The following DAB1 variants were observed in gnomAD, a reference collection of about 807,000 sequenced individuals.
DAB1 encodes the protein DAB adaptor protein 1.
A neutral mutation model predicts 64.6 loss-of-function variants in DAB1; 15 were observed. The observed-to-expected ratio is 0.23, with a 90% CI of 0.16 to 0.36. DAB1 has a LOEUF of 0.36. Among genes scored for constraint, DAB1 ranks in the 10% least tolerant of loss-of-function variants. DAB1 has a pLI of 1.00. For synonymous variants in DAB1, 235 were observed against 251.9 expected (o/e 0.93, Z 0.64); for missense variants, 596 against 706.7 (o/e 0.84, Z 1.78).
At chr1:58,398,943 C>T (rs115981990) in intron 3 of DAB1, among the ~76,000 whole-genome samples, 89 of 152,232 alleles carry the variant, frequency 5.8e-4, no homozygotes, top group African/African-American at 2.1e-3. Context: ...AACTCCAGGA[C>T]CAGATGGAGA....
intron 2 of DAB1, among the ~76,000 whole-genome samples, chr1:57,205,830 C>A (rs555642458): frequency 6.6e-6 from 1 of 152,292 alleles, no homozygotes; most frequent in African/African-American, 2.4e-5. Context: ...TTAATATGTA[C>A]AATGTCTCCT....
At chr1:57,577,907 C>T (rs1645268976) in intron 7 of DAB1, among the ~76,000 whole-genome samples, 1 of 152,168 alleles carries the variant, frequency 6.6e-6, no homozygotes, top group Admixed American at 6.5e-5. Context: ...TGAAAATGTG[C>T]TCCAATGAGC....
At chr1:58,539,005 C>A (rs1222738926) in intron 1 of DAB1, 1 of 872,842 alleles carries the variant, frequency 1.1e-6, no homozygotes, top group East Asian at 2.4e-5. Flanking sequence ...CCATACAGTA[C>A]ATTTGCTGGT....
intron 7 of DAB1, among the ~76,000 whole-genome samples, chr1:57,433,096 T>C (rs1685573587): frequency 6.6e-6 from 1 of 152,180 alleles, no homozygotes; most frequent in African/African-American, 2.4e-5. Flanking sequence ...ACATACAATG[T>C]TCATGGTTTG....
At chr1:58,426,127 T>C (rs1474448070) in intron 3 of DAB1, among the ~76,000 whole-genome samples, 1 of 152,108 alleles carries the variant, frequency 6.6e-6, no homozygotes, top group African/African-American at 2.4e-5. Context: ...CCTGGAGAGA[T>C]TATTATTATT....
intron 1 of DAB1, among the ~76,000 whole-genome samples, chr1:57,879,125 T>C (rs1644102289): frequency 6.6e-6 from 1 of 152,182 alleles, no homozygotes; most frequent in South Asian, 2.1e-4. Context: ...ACTGCTACAA[T>C]AAACATGGGA....
chr1:57,277,112 C>T (rs963723381), intron 2 of DAB1, among the ~76,000 whole-genome samples: 15 of 152,156 alleles, frequency 9.9e-5, no homozygotes, highest in African/African-American at 3.1e-4. Flanking sequence ...CTAAAGTCCG[C>T]GATAGGCACC....
chr1:57,973,126 A>G (rs569634184), intron 5 of DAB1, among the ~76,000 whole-genome samples: 4 of 152,310 alleles, frequency 2.6e-5, no homozygotes, highest in Non-Finnish European at 4.4e-5. Context: ...CTAATCAGAG[A>G]GAGTAATAGG....
chr1:58,274,972 C>T (rs1257062571), intron 4 of DAB1, among the ~76,000 whole-genome samples: 9 of 151,950 alleles, frequency 5.9e-5, no homozygotes, highest in Admixed American at 2.0e-4. Context: ...TCTTCTGCAT[C>T]GCTCACGCTG....
intron 4 of DAB1, among the ~76,000 whole-genome samples, chr1:58,155,922 CA>C (rs1655201906): frequency 6.6e-6 from 1 of 152,196 alleles, no homozygotes; most frequent in Non-Finnish European, 1.5e-5. Context: ...CAATGCCTCC[CA>C]ATAGTGAAAT....
chr1:57,014,871 A>G lies in DAB1; in HGVS notation c.1444+12T>C, dbSNP rs1363228099. On this transcript the variant is annotated intron_variant, in intron 12 of 14. Coordinates refer to ENST00000371236, the MANE Select transcript of DAB1 (RefSeq NM_001365792.1). ...CTCATTGGGTTTTATGTCTTAAGTG[A>G]GGGGCACTCACGTGAGTTGGTCGAT... is the stretch of plus-strand genomic sequence containing the variant. 4 of 1,536,110 alleles carry G rather than the reference A, an allele frequency of 2.6e-6. No individual in the cohort carries two copies. The highest frequency in any genetic ancestry group is 2.0e-5 in the Admixed American group (1 of 49,830).
Position 58,310,759 on chromosome 1 carries a change from A to G in DAB1, n.309+32593T>C, listed in dbSNP as rs375689314. ...TTTACCTGTGCTGGTCCTGACCAAC[A>G]AGTTCAGTTTAGTAAGCTCAATCCT... On this transcript the variant is annotated intron_variant and non_coding_transcript_variant, in intron 4 of 20. Coordinates refer to the DAB1 transcript ENST00000485760. 9.2e-5 allele frequency among the ~76,000 whole-genome samples: 14 copies of G among 152,216 alleles called. No individual in the cohort carries two copies. In the East Asian group the frequency reaches 2.3e-3, roughly 25 times the overall value.
chr1:58,121,989 G>T (rs572962207), intron 5 of DAB1, among the ~76,000 whole-genome samples: 5 of 152,202 alleles, frequency 3.3e-5, no homozygotes, highest in Admixed American at 3.3e-4. Flanking sequence ...AAACTAAAAG[G>T]TTGAGAAGTT....
chr1:57,537,599 C>A (rs761375380), intron 7 of DAB1, among the ~76,000 whole-genome samples: 18 of 151,970 alleles, frequency 1.2e-4, no homozygotes, highest in Non-Finnish European at 1.8e-4. Flanking sequence ...TTCTTAAGTG[C>A]AGCCTGGGAT....
At chr1:57,989,771 C>A (rs1313165298) in intron 5 of DAB1, among the ~76,000 whole-genome samples, 1 of 152,156 alleles carries the variant, frequency 6.6e-6, no homozygotes, top group Non-Finnish European at 1.5e-5. Context: ...TGCCTGTTTG[C>A]TTGATTTCCA....
intron 3 of DAB1, chr1:58,474,043 A>G (rs905430232): frequency 6.2e-6 from 4 of 645,290 alleles, no homozygotes; most frequent in African/African-American, 5.6e-5. Context: ...CATGGTGGCT[A>G]TTAGGGTCAT....
At chr1:57,415,639 A>G (rs1330900394) in intron 1 of DAB1, among the ~76,000 whole-genome samples, 1 of 152,188 alleles carries the variant, frequency 6.6e-6, no homozygotes, top group Non-Finnish European at 1.5e-5. Context: ...GACTTTGTCC[A>G]CAATTAGATT....
At chr1:57,315,077 C>T (rs371463420) in intron 1 of DAB1, among the ~76,000 whole-genome samples, 2 of 152,132 alleles carry the variant, frequency 1.3e-5, no homozygotes, top group East Asian at 3.9e-4. Context: ...GAAATGCCCA[C>T]CACCCCACTT....
intron 4 of DAB1, among the ~76,000 whole-genome samples, chr1:57,121,947 G>A (rs541081115): frequency 1.5e-4 from 23 of 152,174 alleles, no homozygotes; most frequent in African/African-American, 3.4e-4. Context: ...GGGGTCAGCC[G>A]GAGATGAGGC....
Sources: allele counts gnomAD v4.1 joint callset (sites outside exome capture counted in the v4.1 genomes callset), GRCh38; gene constraint gnomAD v4.1.1; transcripts MANE v1.5; gene names NCBI Gene and HGNC (gene_info 2026-07-23, HGNC 2026-07-21).